The following TMEM114 variants were observed in gnomAD, a reference collection of about 807,000 sequenced individuals.
TMEM114 encodes the protein transmembrane protein 114.
TMEM114 carries 6 observed loss-of-function variants against 6.2 expected under a neutral mutation model. The observed-to-expected ratio is 0.97, with a 90% CI of 0.53 to 1.91. The LOEUF (loss-of-function observed/expected upper bound fraction) is 1.91, where lower values mean the gene tolerates loss of function less well. TMEM114 is among the 40% of genes most tolerant of loss of function. The probability of loss-of-function intolerance (pLI) is 0.01; values close to 1 mark genes in which losing one functional copy is unlikely to be tolerated. For missense variants in TMEM114, 218 were observed against 158.3 expected (o/e 1.38, Z -2.02); for synonymous variants, 104 against 73.0 (o/e 1.42, Z -2.16).
At chr16:8,574,564 T>A (rs1002802714) in intron 2 of TMEM114, among the ~76,000 whole-genome samples, 1 of 144,974 alleles carries the variant, frequency 6.9e-6, no homozygotes, top group South Asian at 2.2e-4. Flanking sequence ...TTTCTTTCTT[T>A]CTTTCTTTCC....
the TMEM114 span, among the ~76,000 whole-genome samples, chr16:8,530,207 C>T: frequency 6.6e-6 from 1 of 152,192 alleles, no homozygotes; most frequent in Admixed American, 6.5e-5. Context: ...GTGCCCTAAT[C>T]TCTCTGCCTC....
At chr16:8,573,149 AG>A (rs982580828) in intron 2 of TMEM114, among the ~76,000 whole-genome samples, 2 of 152,152 alleles carry the variant, frequency 1.3e-5, no homozygotes, top group African/African-American at 4.8e-5. Flanking sequence ...TTGGGGGAGC[AG>A]GGACTGTGTG....
downstream of TMEM114, among the ~76,000 whole-genome samples, chr16:8,568,296 G>T (rs1271888064): frequency 6.6e-6 from 1 of 152,158 alleles, no homozygotes; most frequent in African/African-American, 2.4e-5. Flanking sequence ...TTGCTGGTGT[G>T]TACTGGCCTT....
intron 2 of TMEM114, among the ~76,000 whole-genome samples, chr16:8,547,484 C>G (rs1037353529): frequency 5.9e-5 from 9 of 151,456 alleles, no homozygotes; most frequent in Admixed American, 4.6e-4. Flanking sequence ...CCTCTGCCTC[C>G]TGGGTTCAAG....
chr16:8,552,483 A>G (rs1242851837), intron 2 of TMEM114, among the ~76,000 whole-genome samples: 1 of 150,874 alleles, frequency 6.6e-6, no homozygotes, highest in African/African-American at 2.4e-5. Context: ...AAAAATCTAT[A>G]CATAGCAGAA....
intron 2 of TMEM114, among the ~76,000 whole-genome samples, chr16:8,555,909 C>T (rs1008876101): frequency 2.0e-5 from 3 of 152,126 alleles, no homozygotes; most frequent in East Asian, 1.9e-4. Flanking sequence ...TTGGCCTCAC[C>T]CTAAGAAGTA....
intron 2 of TMEM114, among the ~76,000 whole-genome samples, chr16:8,578,696 T>C (rs1230320302): frequency 2.0e-5 from 3 of 152,152 alleles, no homozygotes; most frequent in Non-Finnish European, 2.9e-5. Flanking sequence ...ATTAAAATGT[T>C]GGCTGGGTGT....
At chr16:8,576,392 C>T (rs1480271162) in intron 2 of TMEM114, among the ~76,000 whole-genome samples, 1 of 152,208 alleles carries the variant, frequency 6.6e-6, no homozygotes, top group Non-Finnish European at 1.5e-5. Context: ...CCCCACAGCT[C>T]CCCATGGAGT....
chr16:8,541,068 T>C (rs762503440), intron 2 of TMEM114, among the ~76,000 whole-genome samples: 4 of 152,138 alleles, frequency 2.6e-5, no homozygotes, highest in Non-Finnish European at 5.9e-5. Context: ...ACCAGCCCCA[T>C]GCAGGGTCTA....
the TMEM114 span, among the ~76,000 whole-genome samples, chr16:8,530,370 T>G: frequency 6.6e-6 from 1 of 152,202 alleles, no homozygotes; most frequent in Non-Finnish European, 1.5e-5. Flanking sequence ...TCTCTGGGTC[T>G]CAGAGTTCCC....
In TMEM114 at chr16:8,564,189, A is replaced by G. The variant is rs1393319712; in HGVS notation, n.212+25024T>C. Among the ~76,000 whole-genome samples, 6 of 146,342 alleles carry G rather than the reference A, an allele frequency of 4.1e-5. 1 individual carries two copies. The highest frequency in any genetic ancestry group is 1.3e-4 in the Admixed American group (2 of 14,876). On this transcript the variant is annotated intron_variant and non_coding_transcript_variant, in intron 2 of 2. Transcript: ENST00000623677. ...AGTGAGTAAATGAGTGAGTGAGTGC[A>G]TGAATGAGTGAGTGGGTGAATGAGT...
At chr16:8,573,464 T>A (rs1901803078) in intron 2 of TMEM114, among the ~76,000 whole-genome samples, 1 of 152,078 alleles carries the variant, frequency 6.6e-6, no homozygotes, top group African/African-American at 2.4e-5. Context: ...AGACCCATGA[T>A]GAGGGGTGAA....
intron 2 of TMEM114, among the ~76,000 whole-genome samples, chr16:8,553,200 C>G (rs1040119147): frequency 6.6e-6 from 1 of 152,210 alleles, no homozygotes; most frequent in Non-Finnish European, 1.5e-5. Flanking sequence ...CCTGGGGCAT[C>G]AGCTCAGTGC....
downstream of TMEM114, among the ~76,000 whole-genome samples, chr16:8,534,011 A>G (rs1331167047): frequency 6.6e-6 from 1 of 152,216 alleles, no homozygotes; most frequent in Non-Finnish European, 1.5e-5. Context: ...GTGAAGCCTG[A>G]AAATGGCTCT....
intron 2 of TMEM114, among the ~76,000 whole-genome samples, chr16:8,579,280 C>T (rs1472217392): frequency 6.6e-6 from 1 of 152,104 alleles, no homozygotes; most frequent in Non-Finnish European, 1.5e-5. Flanking sequence ...TGTCTCTTAC[C>T]CCAGGAACAT....
intron 2 of TMEM114, among the ~76,000 whole-genome samples, chr16:8,582,140 C>G (rs1902173497): frequency 6.6e-6 from 1 of 152,226 alleles, no homozygotes; most frequent in South Asian, 2.1e-4. Context: ...CCTCAGAGGA[C>G]AGCGTGGCCA....
intron 2 of TMEM114, among the ~76,000 whole-genome samples, chr16:8,573,194 G>T (rs1332632037): frequency 1.3e-5 from 2 of 152,124 alleles, no homozygotes; most frequent in African/African-American, 4.8e-5. Flanking sequence ...AGAACTAACG[G>T]GGACACTGTT....
intron 2 of TMEM114, among the ~76,000 whole-genome samples, chr16:8,550,563 A>G (rs1050781977): frequency 6.6e-6 from 1 of 151,998 alleles, no homozygotes. Context: ...CTGTAATCCC[A>G]GCGACTCTGG....
chr16:8,578,504 A>G (rs139579595), intron 2 of TMEM114, among the ~76,000 whole-genome samples: 3 of 152,264 alleles, frequency 2.0e-5, no homozygotes, highest in African/African-American at 7.2e-5. Context: ...TCATCTCGAG[A>G]GTCTGAATTA....
Sources: allele counts gnomAD v4.1 joint callset (sites outside exome capture counted in the v4.1 genomes callset), GRCh38; gene constraint gnomAD v4.1.1; transcripts MANE v1.5; gene names NCBI Gene and HGNC (gene_info 2026-07-23, HGNC 2026-07-21).